GPHN: variants seen among roughly 807,000 people sequenced by gnomAD.
GPHN encodes gephyrin.
GPHN carries 17 observed loss-of-function variants against 95.5 expected under a neutral mutation model. That is an observed-to-expected ratio of 0.18 (90% CI 0.12 to 0.27). The LOEUF (loss-of-function observed/expected upper bound fraction) is 0.27. Ranked by LOEUF, GPHN falls within the 10% of genes least tolerant of loss-of-function variation. The pLI is 1.00. For missense variants in GPHN, 660 were observed against 978.1 expected (o/e 0.67, Z 4.34); for synonymous variants, 320 against 322.5 (o/e 0.99, Z 0.08).
chr14:67,136,315 A>G (rs1378656145), intron 17 of GPHN, among the ~76,000 whole-genome samples: 1 of 152,232 alleles, frequency 6.6e-6, no homozygotes, highest in African/African-American at 2.4e-5. Context: ...TCAATTCCTG[A>G]ATTAGCAAAG....
intron 1 of GPHN, among the ~76,000 whole-genome samples, chr14:66,630,057 A>T (rs1335996449): frequency 6.6e-6 from 1 of 152,154 alleles, no homozygotes; most frequent in Non-Finnish European, 1.5e-5. Context: ...TGATGGGGGA[A>T]GGGAGTAGTC....
the GPHN span, chr14:67,312,585 G>A: frequency 6.2e-6 from 10 of 1,612,696 alleles, no homozygotes; most frequent in Non-Finnish European, 8.5e-6. Flanking sequence ...GTTCCATGTC[G>A]AGAGTTAGGT....
chr14:67,711,432 T>G, the GPHN span, among the ~76,000 whole-genome samples: 1 of 152,366 alleles, frequency 6.6e-6, no homozygotes, highest in South Asian at 2.1e-4. Flanking sequence ...GCTTATTTAT[T>G]AAATATTTTA....
intron 20 of GPHN, among the ~76,000 whole-genome samples, chr14:67,166,140 A>C (rs1460894623): frequency 6.6e-6 from 1 of 152,214 alleles, no homozygotes; most frequent in Non-Finnish European, 1.5e-5. Flanking sequence ...AGGCAGAAAA[A>C]TGTTAAACTT....
the GPHN span, among the ~76,000 whole-genome samples, chr14:67,712,493 C>CAAAAAAAAAAAAAAAAAAAAAAAAAAAA: frequency 2.6e-5 from 1 of 38,928 alleles, no homozygotes; most frequent in East Asian, 9.0e-4. Context: ...AAAAAACTTG[C>CAAAAAAAAAAAAAAAAAAAAAAAAAAAA]AAAAAAAAAA....
chr14:66,792,112 C>A (rs1324351122), intron 3 of GPHN, among the ~76,000 whole-genome samples: 1 of 152,114 alleles, frequency 6.6e-6, no homozygotes, highest in African/African-American at 2.4e-5. Flanking sequence ...GCCCATGACA[C>A]ATGGGAATTA....
chr14:66,542,984 C>T (rs551711691), intron 1 of GPHN, among the ~76,000 whole-genome samples: 19 of 152,040 alleles, frequency 1.2e-4, no homozygotes, highest in East Asian at 9.7e-4. Context: ...ACAATCAGGG[C>T]GGAAGGCAAA....
chr14:66,609,082 G>A (rs2062670572), intron 1 of GPHN, among the ~76,000 whole-genome samples: 1 of 152,022 alleles, frequency 6.6e-6, no homozygotes, highest in Non-Finnish European at 1.5e-5. Context: ...AGTGTCTATG[G>A]GCTATATGCT....
intron 9 of GPHN, among the ~76,000 whole-genome samples, chr14:67,011,573 C>CA (rs201978777): frequency 0.27 from 17,146 of 62,888 alleles, 2,318 homozygotes; most frequent in East Asian, 0.49. Flanking sequence ...GACCTTGCCT[C>CA]AAAAAAAAAA....
the GPHN span, among the ~76,000 whole-genome samples, chr14:67,409,521 G>A: frequency 2.0e-5 from 3 of 152,220 alleles, no homozygotes; most frequent in Non-Finnish European, 4.4e-5. Flanking sequence ...GAGCCCAGCA[G>A]GAACGCCCGG....
At chr14:66,710,181 T>A (rs967408775) in intron 2 of GPHN, among the ~76,000 whole-genome samples, 1 of 152,206 alleles carries the variant, frequency 6.6e-6, no homozygotes, top group Non-Finnish European at 1.5e-5. Flanking sequence ...GTTATTCATA[T>A]TTTAAAAGTT....
the GPHN span, among the ~76,000 whole-genome samples, chr14:67,418,734 C>T: frequency 2.4e-4 from 36 of 152,122 alleles, no homozygotes; most frequent in African/African-American, 8.2e-4. Flanking sequence ...CAAAGCTGAT[C>T]GACACACTTG....
At chr14:67,713,498 A>G in the GPHN span, among the ~76,000 whole-genome samples, 4 of 150,922 alleles carry the variant, frequency 2.7e-5, no homozygotes, top group Non-Finnish European at 4.4e-5. Context: ...TGGAGGGGAT[A>G]TTCCCAGACC....
chr14:67,289,768 C>CTTTTTTTTTTTTTTTTTT, the GPHN span, among the ~76,000 whole-genome samples: 11 of 95,508 alleles, frequency 1.2e-4, 5 homozygotes, highest in Non-Finnish European at 1.3e-4. Context: ...TTTTCCATGT[C>CTTTTTTTTTTTTTTTTTT]CTTTTTTTTT....
chr14:67,485,797 C>T, the GPHN span, among the ~76,000 whole-genome samples: 1 of 152,230 alleles, frequency 6.6e-6, no homozygotes, highest in Non-Finnish European at 1.5e-5. Flanking sequence ...CAGTTAGGAG[C>T]CTCTCACCCT....
chr14:67,364,670 C>G, the GPHN span: 1 of 1,257,770 alleles, frequency 8.0e-7, no homozygotes, highest in Non-Finnish European at 1.1e-6. Flanking sequence ...CTATTTTTTT[C>G]TTCATCTTTT....
chr14:66,733,827 A>G (rs1256086544), intron 2 of GPHN, among the ~76,000 whole-genome samples: 1 of 152,226 alleles, frequency 6.6e-6, no homozygotes, highest in African/African-American at 2.4e-5. Flanking sequence ...TGCACAGAAG[A>G]GACATAGTTC....
the GPHN span, chr14:67,619,710 G>C: frequency 2.6e-6 from 1 of 383,398 alleles, no homozygotes. Context: ...CAGCGGCAGG[G>C]GCATGTCCCT....
the GPHN span, among the ~76,000 whole-genome samples, chr14:67,426,020 C>T: frequency 2.0e-5 from 3 of 151,946 alleles, no homozygotes; most frequent in Admixed American, 2.0e-4. Flanking sequence ...GCTGGGATTA[C>T]AGGCATGAGC....
Sources: gnomAD v4.1 joint callset for allele counts (sites outside exome capture counted in the v4.1 genomes callset) on GRCh38, gnomAD v4.1.1 for gene constraint, MANE v1.5 for transcripts, NCBI Gene and HGNC (gene_info 2026-07-23, HGNC 2026-07-21) for gene names.